Variants in ICE1 observed in about 807,000 individuals in gnomAD.
The protein encoded by ICE1 is interactor of little elongation complex ELL subunit 1.
In ICE1, 64 loss-of-function variants were observed where a neutral mutation model predicts 192.7. The ratio of observed to expected loss-of-function variants is 0.33; its 90% confidence interval spans 0.27 to 0.41. The LOEUF is 0.41. Among genes scored for constraint, ICE1 ranks in the 10% least tolerant of loss-of-function variants. ICE1 has a pLI of 1.00. For missense variants in ICE1, 2,708 were observed against 2,696.0 expected (o/e 1.00, Z -0.10); for synonymous variants, 1,010 against 984.5 (o/e 1.03, Z -0.49).
At chr5:5,481,361 T>C (rs970744278) in intron 17 of ICE1, among the ~76,000 whole-genome samples, 12 of 152,192 alleles carry the variant, frequency 7.9e-5, no homozygotes, top group African/African-American at 2.4e-4. Context: ...GAGTGAAGAC[T>C]GTTTTTTGTG....
intron 14 of ICE1, among the ~76,000 whole-genome samples, chr5:5,467,833 C>T (rs114773979): frequency 6.6e-6 from 1 of 152,304 alleles, no homozygotes; most frequent in Non-Finnish European, 1.5e-5. Flanking sequence ...AAAATCTTTA[C>T]TTTGGAAGGC....
At chr5:5,454,678 A>C in intron 11 of ICE1, 40 bp downstream of exon 11, 1 of 1,497,374 alleles carries the variant, frequency 6.7e-7, no homozygotes, top group South Asian at 1.1e-5. Flanking sequence ...CATATGTGAA[A>C]GTACAGAGCT....
chr5:5,483,286 A>G (rs2928226), intron 17 of ICE1, among the ~76,000 whole-genome samples: 3 of 152,124 alleles, frequency 2.0e-5, no homozygotes, highest in Admixed American at 6.5e-5. Flanking sequence ...GTGAGCCACC[A>G]TGCCCGGCCA....
chr5:5,485,458 A>T (rs1313808712), intron 17 of ICE1, among the ~76,000 whole-genome samples: 2 of 152,196 alleles, frequency 1.3e-5, no homozygotes, highest in Non-Finnish European at 2.9e-5. Flanking sequence ...ACCCATTCTC[A>T]TACAAATACA....
intron 12 of ICE1, among the ~76,000 whole-genome samples, chr5:5,459,984 C>T (rs952040450): frequency 1.3e-5 from 2 of 152,070 alleles, no homozygotes; most frequent in African/African-American, 2.4e-5. Flanking sequence ...CACAAGACAG[C>T]GTCCCTCCCC....
intron 10 of ICE1, among the ~76,000 whole-genome samples, chr5:5,451,615 A>T (rs1579554700): frequency 6.6e-6 from 1 of 152,158 alleles, no homozygotes; most frequent in African/African-American, 2.4e-5. Context: ...TTTCAAGGAA[A>T]ACATGCTCAA....
chr5:5,476,792 C>A (rs567880149), intron 17 of ICE1, among the ~76,000 whole-genome samples: 1 of 152,120 alleles, frequency 6.6e-6, no homozygotes. Context: ...TACAATTCAA[C>A]GTGAGATTTG....
At chr5:5,424,418 C>T (rs1737456600) in intron 1 of ICE1, among the ~76,000 whole-genome samples, 1 of 150,034 alleles carries the variant, frequency 6.7e-6, no homozygotes, top group South Asian at 2.1e-4. Context: ...GATTGGAGTT[C>T]TCCCGAATCT....
At chr5:5,454,330 T>A (rs72646678) in intron 10 of ICE1, among the ~76,000 whole-genome samples, 7,615 of 152,104 alleles carry the variant, frequency 0.05, 639 homozygotes, top group East Asian at 0.35. Flanking sequence ...ATTTTTTTTT[T>A]AAAAAAGCAA....
chr5:5,459,964 G>A (rs527585735), intron 12 of ICE1, among the ~76,000 whole-genome samples: 1 of 152,208 alleles, frequency 6.6e-6, no homozygotes, highest in East Asian at 1.9e-4. Context: ...GATATGTGGT[G>A]GGAGATACCC....
chr5:5,445,170 T>C (rs1350263473), intron 7 of ICE1, among the ~76,000 whole-genome samples: 2 of 152,218 alleles, frequency 1.3e-5, no homozygotes, highest in African/African-American at 2.4e-5. Flanking sequence ...TTTAGTTACA[T>C]CCGGGCACAT....
chr5:5,451,681 C>T (rs571472915), intron 10 of ICE1, among the ~76,000 whole-genome samples: 47 of 152,156 alleles, frequency 3.1e-4, no homozygotes, highest in African/African-American at 1.0e-3. Context: ...AAATTTTTAA[C>T]AATAGTTAAA....
At position 5,464,945 on chromosome 5, in the gene ICE1, C is replaced by T. The variant is rs1318945722; in HGVS notation, c.5611C>T (p.Leu1871Phe). ...GVTAEGIHKN[L>F]PGNLPPAEVA... ...CACTGCAGAAGGAATCCACAAAAAC[C>T]TCCCAGGGAACCTCCCTCCAGCTGA... Residue 1871 changes from leucine (L) to phenylalanine (F), a missense_variant, in exon 13 of 19, where the codon CTC becomes TTC. Leu to Phe is a conservative substitution (Grantham distance 22, BLOSUM62 0). Around this residue, in one of 2 missense-constraint regions of ICE1, gnomAD observed 2,366 missense variants for 2,276.6 expected, o/e 1.04. Transcript: ENST00000296564. The surrounding 1 kb of genome is among the most constrained non-coding windows in gnomAD (Gnocchi z 4.0). 2 of 1,613,576 alleles carry T rather than the reference C, an allele frequency of 1.2e-6. No homozygotes were observed. Among genetic ancestry groups the T allele is most frequent in the South Asian group, 1.1e-5 (1 of 91,008 alleles).
chr5:5,446,331 G>A (rs183593562), intron 7 of ICE1, among the ~76,000 whole-genome samples: 2,825 of 151,948 alleles, frequency 0.019, 38 homozygotes, highest in Middle Eastern at 0.031. Context: ...GTCTCACTCC[G>A]TCACCTAGGC....
At position 5,489,247 on chromosome 5, in the gene ICE1, A is replaced by G; in HGVS notation, c.6718A>G (p.Arg2240Gly). The G allele has an allele frequency of 6.2e-7, 1 of 1,613,914 alleles. No individual in the cohort carries two copies. The highest frequency in any genetic ancestry group is 8.5e-7 in the Non-Finnish European group (1 of 1,179,874). The change falls in exon 19 of 19, where the codon AGA becomes GGA. Residue 2240 changes from arginine (R) to glycine (G), a missense_variant. By Grantham distance (125) the Arg-to-Gly change is moderately radical. Around this residue, in one of 2 missense-constraint regions of ICE1, gnomAD observed 342 missense variants for 419.3 expected, o/e 0.82. Transcript: ENST00000296564. ...TTCCAAGATCCTGGAAGCTTGGCGG[A>G]GAGAGGCCTCCAAAAGCGTTCCGTC... Reference protein sequence around the residue: ...EISKILEAWRREASKSVPSAI... With the variant: ...EISKILEAWRGEASKSVPSAI...
chr5:5,457,198 C>T, intron 11 of ICE1, 134 bp from the exon 12 acceptor site: 1 of 830,458 alleles, frequency 1.2e-6, no homozygotes, highest in Non-Finnish European at 1.8e-6. Flanking sequence ...GATTGGTTGC[C>T]TTTTAAAAAA....
rs773721464 is a variant in ICE1, at chr5:5,464,798, T to G, written c.5464T>G (p.Ser1822Ala). 6.2e-7 allele frequency: 1 copy of G among 1,613,600 alleles called. No individual in the cohort carries two copies. The highest frequency in any genetic ancestry group is 8.5e-7 in the Non-Finnish European group (1 of 1,179,742). The change falls in exon 13 of 19, where the codon TCA becomes GCA. Residue 1822 changes from serine to alanine, a missense_variant. Physicochemically the swap from Ser to Ala is moderately conservative, Grantham distance 99 (BLOSUM62 1). Coordinates refer to ENST00000296564, the MANE Select transcript of ICE1 (RefSeq NM_015325.3). The surrounding 1 kb of genome is among the most constrained non-coding windows in gnomAD (Gnocchi z 4.0). ...TGGTGGTGACTGTAACCAAGACAAG[T>G]CAAGAGATTTGGGGACTCAGCAGGA... ...SSGGDCNQDKSRDLGTQQDSS... is the reference protein window; with the variant it reads ...SSGGDCNQDKARDLGTQQDSS...
rs757930174 is a variant in ICE1 at position 5,489,209 on chromosome 5, A to G, written c.6680A>G (p.Asn2227Ser). The G allele has an allele frequency of 1.2e-6, 2 of 1,613,942 alleles. No individual in the cohort carries two copies. The highest frequency in any genetic ancestry group is 1.7e-5 in the Admixed American group (1 of 60,012). Residue 2227 changes from asparagine to serine, a missense_variant, in exon 19 of 19, where the codon AAT (asparagine) becomes AGT (serine). Physicochemically the swap from Asn to Ser is conservative, Grantham distance 46. Transcript: ENST00000296564. ...VYALCDLSPS[N>S]PAEISKILEA... ...GCTCTTTGTGACTTGAGTCCCAGCA[A>G]TCCAGCAGAAATTTCCAAGATCCTG...
At chr5:5,485,137 T>C (rs1203510182) in intron 17 of ICE1, among the ~76,000 whole-genome samples, 1 of 152,112 alleles carries the variant, frequency 6.6e-6, no homozygotes, top group East Asian at 1.9e-4. Flanking sequence ...TGTTAGTTAT[T>C]ATTGAGAACC....
Sources: allele counts gnomAD v4.1 joint callset (sites outside exome capture counted in the v4.1 genomes callset), GRCh38; gene constraint gnomAD v4.1.1; regional missense constraint gnomAD v4.1.1; non-coding constraint Gnocchi (gnomAD v3.1); transcripts MANE v1.5; gene names NCBI Gene and HGNC (gene_info 2026-07-23, HGNC 2026-07-21).